The following EXOC6B variants were observed in gnomAD, a reference collection of about 807,000 sequenced individuals.
EXOC6B encodes the protein SEC15 homolog B.
Under a neutral mutation model 113.5 loss-of-function variants are expected in EXOC6B, and 54 were observed. The ratio of observed to expected loss-of-function variants is 0.48; its 90% CI spans 0.38 to 0.60. The LOEUF is 0.60. Ranked by LOEUF, EXOC6B falls within the 20% of genes least tolerant of loss-of-function variation. EXOC6B has a pLI of 0.00. For missense variants in EXOC6B, 797 were observed against 977.5 expected (o/e 0.82, Z 2.46); for synonymous variants, 357 against 339.0 (o/e 1.05, Z -0.58).
At chr2:72,748,949 A>G (rs1681867412) in intron 1 of EXOC6B, among the ~76,000 whole-genome samples, 1 of 152,074 alleles carries the variant, frequency 6.6e-6, no homozygotes, top group African/African-American at 2.4e-5. Context: ...AGACTGCCAT[A>G]ATTGCTACTA....
rs1017083273 is a variant in EXOC6B at position 72,410,192 on chromosome 2, C to G, written c.1981-30322G>C. ...TTGAAGCTGCATATTCTGCCACTTG[C>G]AACCATCATTCCCAGAGACTGCTTT... is the stretch of plus-strand genomic sequence containing the variant. On this transcript the variant is annotated intron_variant, in intron 18 of 21. Coordinates refer to ENST00000272427, the MANE Select transcript of EXOC6B (RefSeq NM_015189.3). Among the ~76,000 whole-genome samples, 3 of 152,196 alleles carry G rather than the reference C, an allele frequency of 2.0e-5. No individual in the cohort carries two copies. The South Asian group carries it at 6.2e-4, about 31-fold the overall frequency.
At chr2:72,706,638 TG>T (rs1447658815) in intron 6 of EXOC6B, among the ~76,000 whole-genome samples, 2 of 152,200 alleles carry the variant, frequency 1.3e-5, no homozygotes, top group Non-Finnish European at 2.9e-5. Flanking sequence ...AACTCTGCCT[TG>T]GATTATCTCT....
chr2:72,430,575 A>G (rs1695465524), intron 18 of EXOC6B, among the ~76,000 whole-genome samples: 1 of 152,206 alleles, frequency 6.6e-6, no homozygotes, highest in Admixed American at 6.5e-5. Context: ...TGAACCTGGG[A>G]GGCAGAGGTT....
intron 19 of EXOC6B, among the ~76,000 whole-genome samples, chr2:72,367,368 A>C (rs1198682092): frequency 6.6e-6 from 1 of 152,162 alleles, no homozygotes; most frequent in African/African-American, 2.4e-5. Context: ...AAAAATGAAC[A>C]AAGTATGAAA....
intron 6 of EXOC6B, among the ~76,000 whole-genome samples, chr2:72,685,948 G>A (rs1374205979): frequency 6.6e-6 from 1 of 152,014 alleles, no homozygotes; most frequent in South Asian, 2.1e-4. Flanking sequence ...TTTTTTGAAG[G>A]GGTTTATTTA....
intron 6 of EXOC6B, among the ~76,000 whole-genome samples, chr2:72,644,605 T>TA (rs1673548690): frequency 6.6e-6 from 1 of 152,158 alleles, no homozygotes; most frequent in South Asian, 2.1e-4. Flanking sequence ...AGAAACTCTA[T>TA]AAGCCAGAAG....
chr2:72,636,618 G>A lies in EXOC6B; in HGVS notation c.670-60950C>T, dbSNP rs546086673. On this transcript the variant is annotated intron_variant, in intron 6 of 21. Coordinates refer to ENST00000272427, the MANE Select transcript of EXOC6B (RefSeq NM_015189.3). ...CAAATCAATTGATGCAGAAAAAAAT[G>A]TTGACAAAATCCAACATCCATTCAT... 6.6e-5 allele frequency among the ~76,000 whole-genome samples: 10 copies of A among 152,260 alleles called. No individual in the cohort carries two copies. In the South Asian group the frequency reaches 2.1e-3, roughly 32 times the overall value.
chr2:72,334,369 T>A (rs1688571845), intron 20 of EXOC6B, among the ~76,000 whole-genome samples: 1 of 152,116 alleles, frequency 6.6e-6, no homozygotes, highest in Admixed American at 6.6e-5. Context: ...ATTACTTTAA[T>A]AGGGTTAGCA....
intron 20 of EXOC6B, among the ~76,000 whole-genome samples, chr2:72,239,714 C>A (rs909704431): frequency 6.6e-6 from 1 of 152,094 alleles, no homozygotes; most frequent in African/African-American, 2.4e-5. Flanking sequence ...ATGGGGATTT[C>A]AATAGGAATT....
intron 18 of EXOC6B, among the ~76,000 whole-genome samples, chr2:72,448,573 G>A (rs1268808721): frequency 6.6e-6 from 1 of 151,890 alleles, no homozygotes; most frequent in Non-Finnish European, 1.5e-5. Context: ...GTGGAACACA[G>A]AATAAATGAA....
Position 72,819,748 on chromosome 2 carries a change from G to A in EXOC6B, c.113+6050C>T, listed in dbSNP as rs1475797673. Among the ~76,000 whole-genome samples, 3 of 152,114 alleles carry A rather than the reference G, an allele frequency of 2.0e-5. No homozygotes were observed. In the East Asian group the frequency reaches 5.8e-4, roughly 29 times the overall value. On this transcript the variant is annotated intron_variant, in intron 1 of 21. Transcript: ENST00000272427. ...TGGCACCCCATCTACATTGGAGGAA[G>A]AGTATGAAAAGAAAAAAGAGAGAGA...
intron 20 of EXOC6B, among the ~76,000 whole-genome samples, chr2:72,322,198 A>T (rs1486210283): frequency 4.6e-5 from 7 of 152,188 alleles, no homozygotes; most frequent in Admixed American, 4.6e-4. Flanking sequence ...AGGTGAATGG[A>T]TAATTATGAT....
rs575899528 is a variant in EXOC6B, at chr2:72,604,097, T to C, written c.670-28429A>G. ...CTTAGATTTATTAGTCCCTGGTCAT[T>C]TGACACTGACGGAAGTTTCTGTCAC... On this transcript the variant is annotated intron_variant, in intron 6 of 21. Transcript: ENST00000272427. 4.6e-5 allele frequency among the ~76,000 whole-genome samples: 7 copies of C among 152,342 alleles called. No individual in the cohort carries two copies. The East Asian group carries it at 1.2e-3, about 25-fold the overall frequency.
At chr2:72,802,189 G>A (rs1685317134) in intron 1 of EXOC6B, among the ~76,000 whole-genome samples, 1 of 151,966 alleles carries the variant, frequency 6.6e-6, no homozygotes, top group African/African-American at 2.4e-5. Flanking sequence ...GCCGGGCATG[G>A]TGGCACGTGC....
intron 1 of EXOC6B, among the ~76,000 whole-genome samples, chr2:72,781,217 T>C (rs536865021): frequency 6.6e-6 from 1 of 152,364 alleles, no homozygotes; most frequent in Admixed American, 6.5e-5. Flanking sequence ...TTCTTCATAC[T>C]GTTCCTCTAC....
At chr2:72,692,354 CTT>C (rs764598639) in intron 6 of EXOC6B, among the ~76,000 whole-genome samples, 9 of 141,192 alleles carry the variant, frequency 6.4e-5, no homozygotes, top group African/African-American at 7.7e-5. Context: ...TCACCATATT[CTT>C]TTTTTTTTTT....
chr2:72,556,318 G>C (rs1703541737), intron 8 of EXOC6B, among the ~76,000 whole-genome samples: 1 of 152,176 alleles, frequency 6.6e-6, no homozygotes, highest in African/African-American at 2.4e-5. Context: ...TATCAAATGA[G>C]GGCAATTTTG....
At chr2:72,559,594 C>A in intron 7 of EXOC6B, 73 bp from the exon 8 acceptor site, 1 of 1,238,508 alleles carries the variant, frequency 8.1e-7, no homozygotes, top group Non-Finnish European at 1.2e-6. Context: ...TGTTACTACT[C>A]AAGTGTTTGG....
intron 20 of EXOC6B, among the ~76,000 whole-genome samples, chr2:72,333,726 C>T (rs576328977): frequency 4.6e-5 from 7 of 152,174 alleles, no homozygotes; most frequent in East Asian, 3.9e-4. Flanking sequence ...AGTTGACACA[C>T]GTTTCTGGGA....
Sources: allele counts gnomAD v4.1 joint callset (sites outside exome capture counted in the v4.1 genomes callset), GRCh38; gene constraint gnomAD v4.1.1; transcripts MANE v1.5; gene names NCBI Gene and HGNC (gene_info 2026-07-23, HGNC 2026-07-21).